GRIK4: variants seen among roughly 807,000 people sequenced by gnomAD.
GRIK4 encodes the protein glutamate ionotropic receptor kainate type subunit 4, also known as glutamate receptor ionotropic, kainate 4.
Under a neutral mutation model 104.9 loss-of-function variants are expected in GRIK4, and 40 were observed. The ratio of observed to expected loss-of-function variants is 0.38; its 90% CI spans 0.30 to 0.50. The LOEUF is 0.50. GRIK4 is among the 20% of genes least tolerant of loss of function. The probability of loss-of-function intolerance (pLI) is 0.93; values close to 1 mark genes in which losing one functional copy is unlikely to be tolerated. For synonymous variants in GRIK4, 485 were observed against 524.9 expected, an observed-to-expected ratio of 0.92 and a Z score of 1.04; for missense variants, 1,047 against 1,308.1, an observed-to-expected ratio of 0.80 and a Z score of 3.08.
At position 120,660,312 on chromosome 11, in the gene GRIK4, A is replaced by T. The variant is rs1238377309; in HGVS notation, c.-7A>T. On this transcript the variant is annotated 5_prime_UTR_variant, in exon 3 of 21. Transcript: ENST00000527524. ...CCAGCAGGGGGCTCCATGAGGATTC[A>T]TAGAAGATGCCCCGCGTCTCGGCGC... 9.9e-6 allele frequency: 16 copies of T among 1,610,582 alleles called. No homozygotes were observed. The highest frequency in any genetic ancestry group is 1.3e-5 in the Non-Finnish European group (15 of 1,177,612).
chr11:120,695,094 CAA>C (rs976324967), intron 3 of GRIK4, among the ~76,000 whole-genome samples: 1 of 152,198 alleles, frequency 6.6e-6, no homozygotes, highest in African/African-American at 2.4e-5. Context: ...TCCACACTCT[CAA>C]AGAGGGGGAG....
chr11:120,536,088 G>A (rs946336304), intron 1 of GRIK4, among the ~76,000 whole-genome samples: 1 of 152,246 alleles, frequency 6.6e-6, no homozygotes, highest in Non-Finnish European at 1.5e-5. Flanking sequence ...GAAGTATTGT[G>A]TGTAGCACTA....
chr11:120,563,730 G>T (rs1049780342), intron 1 of GRIK4, among the ~76,000 whole-genome samples: 7 of 152,156 alleles, frequency 4.6e-5, no homozygotes, highest in Admixed American at 2.6e-4. Flanking sequence ...CTCAGGGTTA[G>T]TTGGCTCTGA....
chr11:120,791,169 C>T (rs941395233), intron 3 of GRIK4, among the ~76,000 whole-genome samples: 9 of 151,930 alleles, frequency 5.9e-5, no homozygotes, highest in Non-Finnish European at 8.8e-5. Flanking sequence ...TTGGGGGACA[C>T]TTACATAGTG....
At chr11:120,551,936 G>A (rs1208310219) in intron 1 of GRIK4, among the ~76,000 whole-genome samples, 1 of 152,198 alleles carries the variant, frequency 6.6e-6, no homozygotes, top group Non-Finnish European at 1.5e-5. Context: ...CCTGGGGAGG[G>A]CATATAAGCC....
At chr11:120,646,036 T>G (rs1289394769) in intron 1 of GRIK4, among the ~76,000 whole-genome samples, 1 of 152,180 alleles carries the variant, frequency 6.6e-6, no homozygotes, top group Non-Finnish European at 1.5e-5. Context: ...TAGTTGACTT[T>G]GGGGGTCCAA....
rs77085633 is a variant in GRIK4 at position 120,960,288 on chromosome 11, C to T, written c.1875-621C>T. ...AGGTTGCAGAGAGCAGAGATTGTGCCACTGCACTCCAGCCTGGCAACAGAG... is the reference window on the plus strand; with the variant it reads ...AGGTTGCAGAGAGCAGAGATTGTGCTACTGCACTCCAGCCTGGCAACAGAG... On this transcript the variant is annotated intron_variant, in intron 16 of 20. Transcript: ENST00000527524. 3.3e-3 allele frequency among the ~76,000 whole-genome samples: 499 copies of T among 152,204 alleles called. 3 individuals are homozygous for T. Among genetic ancestry groups the T allele is most frequent in the Admixed American group, 0.022 (335 of 15,288 alleles).
rs562947808 is a variant in GRIK4 at position 120,683,581 on chromosome 11, C to T, written c.82+23181C>T. 3.5e-4 allele frequency among the ~76,000 whole-genome samples: 53 copies of T among 151,980 alleles called. 1 individual carries two copies. The highest frequency in any genetic ancestry group is 1.1e-3 in the African/African-American group (47 of 41,402). Reference sequence around the variant, plus strand: ...TGGTATTCAGAGCCGTGGGACCAGGCCGTGTCCTAGGGAGAGAATGTCTGG... The same window carrying T: ...TGGTATTCAGAGCCGTGGGACCAGGTCGTGTCCTAGGGAGAGAATGTCTGG... On this transcript the variant is annotated intron_variant, in intron 3 of 20. Transcript: ENST00000527524.
chr11:120,759,702 G>A (rs954176727), intron 3 of GRIK4, among the ~76,000 whole-genome samples: 7 of 152,104 alleles, frequency 4.6e-5, no homozygotes, highest in African/African-American at 1.7e-4. Context: ...ACTGGTAAGG[G>A]AAATGGGATT....
At chr11:120,653,103 A>G (rs999348400) in intron 1 of GRIK4, among the ~76,000 whole-genome samples, 6 of 152,258 alleles carry the variant, frequency 3.9e-5, no homozygotes, top group African/African-American at 7.2e-5. Flanking sequence ...TCATTCATGC[A>G]TGCATGCATT....
At chr11:120,915,629 C>T (rs951632268) in intron 13 of GRIK4, among the ~76,000 whole-genome samples, 3 of 152,144 alleles carry the variant, frequency 2.0e-5, no homozygotes, top group Admixed American at 2.0e-4. Context: ...TTTGCCCTGT[C>T]CTCTGGCTTC....
intron 20 of GRIK4, among the ~76,000 whole-genome samples, chr11:120,984,819 T>C (rs1171906594): frequency 7.7e-6 from 1 of 129,422 alleles, no homozygotes; most frequent in Admixed American, 8.9e-5. Flanking sequence ...CCATCTATAT[T>C]CTTTTTTTTT....
chr11:120,933,582 A>G (rs10892647), intron 13 of GRIK4, among the ~76,000 whole-genome samples: 41,286 of 152,106 alleles, frequency 0.27, 5,843 homozygotes, highest in East Asian at 0.38. Context: ...GGTAGTTCTA[A>G]GCCACACTGA....
intron 3 of GRIK4, among the ~76,000 whole-genome samples, chr11:120,717,396 C>G (rs1464191263): frequency 1.3e-5 from 2 of 152,154 alleles, no homozygotes; most frequent in Non-Finnish European, 2.9e-5. Context: ...TCTCCTGTCC[C>G]TTGAACCTGC....
intron 1 of GRIK4, among the ~76,000 whole-genome samples, chr11:120,544,141 A>C (rs2510878): frequency 0.29 from 44,365 of 152,136 alleles, 6,693 homozygotes; most frequent in Admixed American, 0.41. Context: ...TTCTTACCAT[A>C]GACATATGAA....
At chr11:120,815,754 G>A (rs1952940603) in intron 5 of GRIK4, among the ~76,000 whole-genome samples, 1 of 152,196 alleles carries the variant, frequency 6.6e-6, no homozygotes, top group Non-Finnish European at 1.5e-5. Context: ...CCTCTTGGTG[G>A]TGGTGGGTAG....
intron 3 of GRIK4, among the ~76,000 whole-genome samples, chr11:120,671,778 GT>G (rs1396998793): frequency 6.6e-6 from 1 of 152,146 alleles, no homozygotes; most frequent in Non-Finnish European, 1.5e-5. Flanking sequence ...TGCTTTTGGT[GT>G]TTTAGTCATG....
At position 120,549,450 on chromosome 11, in the gene GRIK4, T is replaced by C. The variant is rs1948118408; in HGVS notation, c.-159+37563T>C. Among the ~76,000 whole-genome samples the C allele has an allele frequency of 6.6e-6, 1 of 152,136 alleles. No homozygotes were observed. Among genetic ancestry groups the C allele is most frequent in the South Asian group, 2.1e-4 (1 of 4,828 alleles). On this transcript the variant is annotated intron_variant, in intron 1 of 20. Coordinates refer to ENST00000527524, the MANE Select transcript of GRIK4 (RefSeq NM_014619.5). This position sits in a 1 kb window ranked among gnomAD's most constrained non-coding sequence, Gnocchi z 4.7. ...AGGAACATGTCCCCGTGTGGTACCATTGTTGATGTGGACAGACACACACAC... is the reference window on the plus strand; with the variant it reads ...AGGAACATGTCCCCGTGTGGTACCACTGTTGATGTGGACAGACACACACAC...
At chr11:120,623,853 C>T (rs1364997100) in intron 1 of GRIK4, among the ~76,000 whole-genome samples, 5 of 152,262 alleles carry the variant, frequency 3.3e-5, no homozygotes, top group Non-Finnish European at 2.9e-5. Context: ...ATGCAGCCTG[C>T]GTCCCATCCA....
Sources: allele counts gnomAD v4.1 joint callset (sites outside exome capture counted in the v4.1 genomes callset), GRCh38; gene constraint gnomAD v4.1.1; non-coding constraint Gnocchi (gnomAD v3.1); transcripts MANE v1.5; gene names NCBI Gene and HGNC (gene_info 2026-07-23, HGNC 2026-07-21).